The following M1AP variants were observed in gnomAD, a reference collection of about 807,000 sequenced individuals.
M1AP encodes the protein meiosis 1 arrest protein.
M1AP carries 39 observed loss-of-function variants against 51.2 expected under a neutral mutation model. The observed-to-expected ratio is 0.76, with a 90% CI of 0.59 to 1.00. M1AP has a LOEUF of 1.00. Ranked by LOEUF, M1AP falls within the 50% of genes least tolerant of loss-of-function variation. M1AP has a pLI of 0.00. For missense variants in M1AP, 545 were observed against 641.2 expected (o/e 0.85, Z 1.62); for synonymous variants, 251 against 249.2 (o/e 1.01, Z -0.07).
chr2:74,566,159 G>A (rs546373077), intron 7 of M1AP, among the ~76,000 whole-genome samples: 1 of 152,256 alleles, frequency 6.6e-6, no homozygotes, highest in Admixed American at 6.5e-5. Context: ...TGATCCTAGG[G>A]GTAGAGGCAC....
At chr2:74,635,580 T>C (rs922649616) in intron 2 of M1AP, among the ~76,000 whole-genome samples, 2 of 152,060 alleles carry the variant, frequency 1.3e-5, no homozygotes, top group African/African-American at 2.4e-5. Flanking sequence ...CTGATTTGAC[T>C]TTTCTCTTTT....
intron 9 of M1AP, 40 bp downstream of exon 9, chr2:74,560,111 A>G (rs779587818): frequency 6.3e-7 from 1 of 1,597,300 alleles, no homozygotes; most frequent in South Asian, 1.1e-5. Flanking sequence ...AAGGGGAGGG[A>G]GGGGAAGTAA....
At chr2:74,598,997 G>A (rs564282686) in intron 4 of M1AP, among the ~76,000 whole-genome samples, 1 of 152,084 alleles carries the variant, frequency 6.6e-6, no homozygotes, top group South Asian at 2.1e-4. Flanking sequence ...TATTATATGG[G>A]CTGGGCACGG....
intron 5 of M1AP, among the ~76,000 whole-genome samples, chr2:74,578,244 G>A (rs1399419841): frequency 6.6e-6 from 1 of 152,194 alleles, no homozygotes; most frequent in African/African-American, 2.4e-5. Context: ...AGGGTCTCTG[G>A]GGGTGAAGCC....
At chr2:74,628,546 C>A in intron 2 of M1AP, 1 of 522,928 alleles carries the variant, frequency 1.9e-6, no homozygotes, top group Non-Finnish European at 3.7e-6. Flanking sequence ...ACTGCACAGA[C>A]TGTAAGTCCC....
intron 7 of M1AP, among the ~76,000 whole-genome samples, chr2:74,570,970 A>T (rs1678698642): frequency 6.6e-6 from 1 of 152,234 alleles, no homozygotes; most frequent in Non-Finnish European, 1.5e-5. Context: ...GTATTAAAGG[A>T]AAGGTTAAAA....
intron 7 of M1AP, among the ~76,000 whole-genome samples, chr2:74,565,457 C>T (rs1336430311): frequency 1.3e-5 from 2 of 152,116 alleles, no homozygotes; most frequent in Non-Finnish European, 2.9e-5. Flanking sequence ...GTTTAATACC[C>T]TCAAATCAAC....
chr2:74,634,114 T>C (rs1682845430), intron 2 of M1AP, among the ~76,000 whole-genome samples: 1 of 152,178 alleles, frequency 6.6e-6, no homozygotes, highest in African/African-American at 2.4e-5. Context: ...AAAGTGAAAG[T>C]CATGGAAAAA....
chr2:74,632,388 G>A (rs987732084), intron 2 of M1AP, among the ~76,000 whole-genome samples: 1 of 152,140 alleles, frequency 6.6e-6, no homozygotes, highest in Non-Finnish European at 1.5e-5. Flanking sequence ...CTTCATCTGA[G>A]GCCTTGGGCC....
At chr2:74,612,096 G>A (rs537945018) in intron 3 of M1AP, among the ~76,000 whole-genome samples, 43 of 151,406 alleles carry the variant, frequency 2.8e-4, no homozygotes, top group African/African-American at 9.7e-4. Context: ...GGGTTTCACC[G>A]TGTCCAGGAT....
chr2:74,617,303 A>G (rs1241959577), intron 2 of M1AP, among the ~76,000 whole-genome samples: 1 of 152,264 alleles, frequency 6.6e-6, no homozygotes, highest in Non-Finnish European at 1.5e-5. Flanking sequence ...GTGATGTCAT[A>G]TAGGGTGTCA....
intron 2 of M1AP, 116 bp downstream of exon 2, chr2:74,639,920 G>T: frequency 1.1e-6 from 1 of 877,784 alleles, no homozygotes; most frequent in Non-Finnish European, 1.8e-6. Context: ...GGGCTACTGT[G>T]TGTGGAGAAG....
chr2:74,609,884 A>G (rs1681225013), intron 3 of M1AP, among the ~76,000 whole-genome samples: 1 of 152,016 alleles, frequency 6.6e-6, no homozygotes, highest in Non-Finnish European at 1.5e-5. Flanking sequence ...CAGCTTTCAG[A>G]TTATTCATTT....
At chr2:74,615,245 T>A (rs1172738046) in intron 2 of M1AP, 96 bp from the exon 3 acceptor site, 1 of 1,075,670 alleles carries the variant, frequency 9.3e-7, no homozygotes, top group Non-Finnish European at 1.4e-6. Context: ...CCTCAGAAGT[T>A]CCTTCCCTTC....
At chr2:74,603,194 G>C (rs770265820) in intron 4 of M1AP, among the ~76,000 whole-genome samples, 45 of 152,198 alleles carry the variant, frequency 3.0e-4, no homozygotes, top group Non-Finnish European at 5.3e-4. Context: ...TATAGAGGAT[G>C]CTAGGCAGAC....
chr2:74,568,101 A>T (rs1678501482), intron 7 of M1AP, among the ~76,000 whole-genome samples: 1 of 152,280 alleles, frequency 6.6e-6, no homozygotes, highest in South Asian at 2.1e-4. Flanking sequence ...GTGAAGAGGC[A>T]GTGGTTGAAT....
chr2:74,564,334 G>A (rs929676826), intron 7 of M1AP, among the ~76,000 whole-genome samples: 2 of 152,172 alleles, frequency 1.3e-5, no homozygotes, highest in Non-Finnish European at 2.9e-5. Context: ...CAAGTGGTAG[G>A]AAACCTGTTA....
At chr2:74,596,510 A>T (rs1015601806) in intron 4 of M1AP, among the ~76,000 whole-genome samples, 5 of 152,088 alleles carry the variant, frequency 3.3e-5, no homozygotes, top group Non-Finnish European at 7.4e-5. Flanking sequence ...TGAACCTGGG[A>T]GGTGGAGCTT....
intron 2 of M1AP, among the ~76,000 whole-genome samples, chr2:74,633,833 T>C (rs1395480346): frequency 6.6e-6 from 1 of 152,196 alleles, no homozygotes; most frequent in Admixed American, 6.5e-5. Context: ...TCTTCAGTCC[T>C]AGAGGTGGTA....
Sources: gnomAD v4.1 joint callset for allele counts (sites outside exome capture counted in the v4.1 genomes callset) on GRCh38, gnomAD v4.1.1 for gene constraint, MANE v1.5 for transcripts, NCBI Gene and HGNC (gene_info 2026-07-23, HGNC 2026-07-21) for gene names.